The following GLCCI1 variants were observed in gnomAD, a reference collection of about 807,000 sequenced individuals.
GLCCI1 encodes glucocorticoid-induced transcript 1 protein.
Under a neutral mutation model 52.2 loss-of-function variants are expected in GLCCI1, and 24 were observed. The ratio of observed to expected loss-of-function variants is 0.46; its 90% CI spans 0.33 to 0.65. The LOEUF (loss-of-function observed/expected upper bound fraction) is 0.65, where lower values mean the gene tolerates loss of function less well. Among genes scored for constraint, GLCCI1 ranks in the 30% least tolerant of loss-of-function variants. GLCCI1 has a pLI of 0.02. For missense variants in GLCCI1, 704 were observed against 701.5 expected, an observed-to-expected ratio of 1.00 and a Z score of -0.04; for synonymous variants, 310 against 276.5, an observed-to-expected ratio of 1.12 and a Z score of -1.20.
At chr7:8,063,219 C>T (rs544489390) in intron 5 of GLCCI1, among the ~76,000 whole-genome samples, 1 of 152,278 alleles carries the variant, frequency 6.6e-6, no homozygotes, top group African/African-American at 2.4e-5. Context: ...CTTACTGCAA[C>T]TTCTGCCTCC....
rs1780302476 is a variant in GLCCI1, at chr7:7,969,788, C to T, written c.438C>T (p.Pro146=). 3 of 1,484,116 alleles carry T rather than the reference C, an allele frequency of 2.0e-6. No homozygotes were observed. The highest frequency in any genetic ancestry group is 1.5e-5 in the African/African-American group (1 of 68,542). 91.9% of individuals were successfully genotyped at this position (1,484,116 alleles called of 1,614,324 possible). The change falls in exon 1 of 8, where the codon CCC becomes CCT. Residue 146 remains proline, a synonymous_variant. Coordinates refer to ENST00000223145, the MANE Select transcript of GLCCI1 (RefSeq NM_138426.4). The surrounding 1 kb of genome is among the most constrained non-coding windows in gnomAD (Gnocchi z 4.9). The part of the protein sequence containing the change: ...RRSSSPERRS[P]GSPVCRADKA... ...GCAGCTCACCTGAGAGACGGAGCCC[C>T]GGCTCGCCCGTGTGCAGAGGTAGCG...
Position 8,087,717 on chromosome 7 carries a change from T to G in GLCCI1, c.*1179T>G, listed in dbSNP as rs1783147527. 6.7e-6 allele frequency: 1 copy of G among 149,224 alleles called. No homozygotes were observed. The highest frequency in any genetic ancestry group is 2.0e-4 in the East Asian group (1 of 4,918). The allele number at this position is 149,224 out of a possible 1,614,324, so 9.2% of individuals were successfully genotyped here. ...TACATAGAATACTTGGGTCTCAGAATTGATGCAACATAAGCAGGTTTTTTT... is the reference window on the plus strand; with the variant it reads ...TACATAGAATACTTGGGTCTCAGAAGTGATGCAACATAAGCAGGTTTTTTT... On this transcript the variant is annotated 3_prime_UTR_variant, in exon 8 of 8. Coordinates refer to ENST00000223145, the MANE Select transcript of GLCCI1 (RefSeq NM_138426.4).
chr7:7,979,398 A>G, intron 1 of GLCCI1, among the ~76,000 whole-genome samples: 1 of 143,442 alleles, frequency 7.0e-6, no homozygotes, highest in African/African-American at 2.4e-5. Flanking sequence ...TGCTATTGTC[A>G]CTGAGTTTTA....
chr7:8,041,773 G>A (rs1030308805), intron 3 of GLCCI1, among the ~76,000 whole-genome samples: 3 of 151,740 alleles, frequency 2.0e-5, no homozygotes, highest in Admixed American at 6.6e-5. Flanking sequence ...TTTTATTTTT[G>A]TAGAGACAAG....
At chr7:8,005,771 A>G (rs1188590734) in intron 2 of GLCCI1, among the ~76,000 whole-genome samples, 1 of 151,924 alleles carries the variant, frequency 6.6e-6, no homozygotes, top group African/African-American at 2.4e-5. Context: ...TCGAGAGGGA[A>G]ACATTATCTA....
chr7:8,018,326 C>G (rs1302252325), intron 2 of GLCCI1, among the ~76,000 whole-genome samples: 1 of 151,980 alleles, frequency 6.6e-6, no homozygotes, highest in Admixed American at 6.6e-5. Context: ...ATTGACAAAG[C>G]ATGTTTTTTG....
chr7:8,028,307 A>C (rs1184127111), intron 3 of GLCCI1, among the ~76,000 whole-genome samples: 1 of 152,206 alleles, frequency 6.6e-6, no homozygotes, highest in Non-Finnish European at 1.5e-5. Flanking sequence ...TAACAAGGGG[A>C]ATTTTGGAAA....
chr7:8,069,200 C>G (rs556206933), intron 5 of GLCCI1, among the ~76,000 whole-genome samples: 7 of 151,972 alleles, frequency 4.6e-5, no homozygotes, highest in African/African-American at 1.7e-4. Context: ...AGGGCCTTTC[C>G]CTTGTCTCTG....
chr7:8,075,333 T>C (rs1381196069), intron 6 of GLCCI1, among the ~76,000 whole-genome samples: 2 of 152,172 alleles, frequency 1.3e-5, no homozygotes, highest in East Asian at 3.8e-4. Flanking sequence ...GTCACACTGG[T>C]CACATGTGTA....
chr7:8,058,566 T>C lies in GLCCI1; in HGVS notation c.814-1530T>C, dbSNP rs1424445546. On this transcript the variant is annotated intron_variant, in intron 4 of 7. Coordinates refer to ENST00000223145, the MANE Select transcript of GLCCI1 (RefSeq NM_138426.4). ...TCCAGGAAATCAAATACAGAATCCA[T>C]AAAGAAATGGTGGGGCAATTGGATT... Among the ~76,000 whole-genome samples, 4 of 152,110 alleles carry C rather than the reference T, an allele frequency of 2.6e-5. No homozygotes were observed. In the East Asian group the frequency reaches 7.7e-4, roughly 29 times the overall value.
At chr7:7,971,714 T>C (rs921112090) in intron 1 of GLCCI1, among the ~76,000 whole-genome samples, 1 of 152,210 alleles carries the variant, frequency 6.6e-6, no homozygotes, top group African/African-American at 2.4e-5. Flanking sequence ...CATCAAGCAG[T>C]TTTAATAAAA....
chr7:8,043,537 G>A (rs1782050392), intron 3 of GLCCI1, among the ~76,000 whole-genome samples: 1 of 152,088 alleles, frequency 6.6e-6, no homozygotes, highest in Admixed American at 6.5e-5. Flanking sequence ...TCTATAGAAA[G>A]GAAAAAATGC....
At chr7:8,068,356 GA>G (rs1207237921) in intron 5 of GLCCI1, among the ~76,000 whole-genome samples, 3 of 149,996 alleles carry the variant, frequency 2.0e-5, no homozygotes, top group East Asian at 1.9e-4. Flanking sequence ...TCTCAGAAAA[GA>G]AAAAAAAAAT....
chr7:8,049,271 G>C (rs2127957151), intron 3 of GLCCI1, among the ~76,000 whole-genome samples: 1 of 152,196 alleles, frequency 6.6e-6, no homozygotes, highest in Admixed American at 6.5e-5. Context: ...TAGTTTTACT[G>C]AGAGGGTACA....
chr7:8,084,866 A>G, intron 6 of GLCCI1, 31 bp from the exon 7 acceptor site: 1 of 1,604,062 alleles, frequency 6.2e-7, no homozygotes, highest in Non-Finnish European at 8.5e-7. Context: ...GCTTTCAATC[A>G]CTAGTTAATA....
intron 2 of GLCCI1, among the ~76,000 whole-genome samples, chr7:8,005,371 C>G (rs1346609187): frequency 6.6e-6 from 1 of 151,986 alleles, no homozygotes; most frequent in African/African-American, 2.4e-5. Context: ...AAGAAAAAAA[C>G]TAATATATTC....
chr7:8,018,940 C>G (rs931022346), intron 2 of GLCCI1, among the ~76,000 whole-genome samples: 15 of 152,130 alleles, frequency 9.9e-5, no homozygotes, highest in African/African-American at 2.7e-4. Context: ...TTGGAAGGGG[C>G]TGCTTGCTGA....
Position 8,060,103 on chromosome 7 carries a change from G to C in GLCCI1, c.821G>C (p.Gly274Ala). 6.2e-7 allele frequency: 1 copy of C among 1,611,572 alleles called. No individual in the cohort carries two copies. Among genetic ancestry groups the C allele is most frequent in the Admixed American group, 1.7e-5 (1 of 59,586 alleles). Reference sequence around the variant, plus strand: ...CTTTATCTTATCTCATAGGCTACTGGATCAAGGTCAGTTCCTATGCCACTG... The same window carrying C: ...CTTTATCTTATCTCATAGGCTACTGCATCAAGGTCAGTTCCTATGCCACTG... ...HITISHTQAT[G>A]SRSVPMPLSN... Residue 274 changes from glycine (G) to alanine (A), a missense_variant, in exon 5 of 8, where the codon GGA (glycine) becomes GCA (alanine). Around this residue, in one of 3 missense-constraint regions of GLCCI1, gnomAD observed 547 missense variants for 524.8 expected, o/e 1.04. Transcript: ENST00000223145.
intron 5 of GLCCI1, chr7:8,069,989 C>G (rs1015031480): frequency 6.6e-6 from 1 of 152,186 alleles, no homozygotes; most frequent in Non-Finnish European, 1.5e-5. Context: ...GAGAATTTTA[C>G]TTGTTAACCT....
Sources: gnomAD v4.1 joint callset for allele counts (sites outside exome capture counted in the v4.1 genomes callset) on GRCh38, gnomAD v4.1.1 for gene constraint, gnomAD v4.1.1 regional missense constraint, Gnocchi (gnomAD v3.1) non-coding constraint, MANE v1.5 for transcripts, NCBI Gene and HGNC (gene_info 2026-07-23, HGNC 2026-07-21) for gene names.